The following FAM193A variants were observed in gnomAD, a reference collection of about 807,000 sequenced individuals.
FAM193A encodes family with sequence similarity 193 member A.
FAM193A carries 22 observed loss-of-function variants against 126.5 expected under a neutral mutation model. The observed-to-expected ratio is 0.17, with a 90% CI of 0.12 to 0.25. The LOEUF is 0.25. FAM193A is among the 10% of genes least tolerant of loss of function. The pLI, the probability that FAM193A is intolerant of heterozygous loss-of-function variation, is 1.00. For synonymous variants in FAM193A, 761 were observed against 646.8 expected, an observed-to-expected ratio of 1.18 and a Z score of -2.68; for missense variants, 1,675 against 1,672.8, an observed-to-expected ratio of 1.00 and a Z score of -0.02.
intron 1 of FAM193A, among the ~76,000 whole-genome samples, chr4:2,565,403 G>T (rs1738881818): frequency 6.6e-6 from 1 of 151,872 alleles, no homozygotes; most frequent in African/African-American, 2.4e-5. Flanking sequence ...GGGACTACAG[G>T]CGTCCACCAC....
chr4:2,648,819 G>T (rs971395221), intron 7 of FAM193A, among the ~76,000 whole-genome samples: 2 of 152,218 alleles, frequency 1.3e-5, no homozygotes, highest in Non-Finnish European at 2.9e-5. Flanking sequence ...CCTTCTCCAG[G>T]AAGTGGGCAT....
intron 1 of FAM193A, among the ~76,000 whole-genome samples, chr4:2,573,586 G>A (rs989623016): frequency 6.6e-6 from 1 of 151,810 alleles, no homozygotes; most frequent in African/African-American, 2.4e-5. Context: ...GTCCTTCTCT[G>A]CTTTCACCAC....
At chr4:2,696,117 T>G (rs1717005692) in intron 17 of FAM193A, among the ~76,000 whole-genome samples, 1 of 152,228 alleles carries the variant, frequency 6.6e-6, no homozygotes, top group Admixed American at 6.5e-5. Flanking sequence ...CTTATGTGCA[T>G]AGCTATACAT....
At chr4:2,671,430 C>T (rs1010318301) in intron 12 of FAM193A, among the ~76,000 whole-genome samples, 6 of 152,146 alleles carry the variant, frequency 3.9e-5, no homozygotes, top group African/African-American at 7.2e-5. Flanking sequence ...GGTTGGTTTG[C>T]GCTGACATCC....
intron 1 of FAM193A, among the ~76,000 whole-genome samples, chr4:2,591,230 A>G (rs988469942): frequency 6.6e-6 from 1 of 152,116 alleles, no homozygotes; most frequent in Non-Finnish European, 1.5e-5. Flanking sequence ...GTATGAAGGC[A>G]GGAAGAGATA....
chr4:2,561,254 C>T (rs1389710198), intron 1 of FAM193A, among the ~76,000 whole-genome samples: 4 of 152,038 alleles, frequency 2.6e-5, no homozygotes, highest in Non-Finnish European at 5.9e-5. Context: ...AGTCTCAGTT[C>T]ACTGCAGCCT....
intron 6 of FAM193A, among the ~76,000 whole-genome samples, chr4:2,644,323 A>G (rs897322894): frequency 1.4e-4 from 21 of 152,204 alleles, no homozygotes; most frequent in Admixed American, 2.6e-4. Flanking sequence ...GGAACACATG[A>G]CAGGGTATAA....
upstream of FAM193A, among the ~76,000 whole-genome samples, chr4:2,535,897 G>A (rs975955803): frequency 6.6e-6 from 1 of 152,134 alleles, no homozygotes; most frequent in East Asian, 1.9e-4. Flanking sequence ...CCCCAGGCCC[G>A]GTCCAAGATT....
At chr4:2,611,383 C>T (rs1038685942) in intron 2 of FAM193A, among the ~76,000 whole-genome samples, 1 of 152,132 alleles carries the variant, frequency 6.6e-6, no homozygotes, top group Admixed American at 6.5e-5. Flanking sequence ...GTTCTCTTGT[C>T]TCAGCCTCCC....
At chr4:2,606,043 C>CT (rs1193120778) in intron 2 of FAM193A, among the ~76,000 whole-genome samples, 1 of 85,538 alleles carries the variant, frequency 1.2e-5, no homozygotes, top group Non-Finnish European at 2.3e-5. Flanking sequence ...TTTTGCAAAC[C>CT]TCTTTTTTTT....
chr4:2,690,184 C>G (rs1716204985), intron 14 of FAM193A, among the ~76,000 whole-genome samples: 1 of 152,214 alleles, frequency 6.6e-6, no homozygotes, highest in Non-Finnish European at 1.5e-5. Context: ...CCCCAGCTGC[C>G]TCAGCCACTG....
chr4:2,690,870 G>A lies in FAM193A; in HGVS notation c.2703G>A (p.Met901Ile). The change falls in exon 15 of 21, where the codon ATG becomes ATA. Residue 901 changes from methionine to isoleucine, a missense_variant. This residue lies in a region of FAM193A where 1,186 missense variants were observed against 1,109.2 expected (regional missense o/e 1.07). Coordinates refer to ENST00000637812, the MANE Select transcript of FAM193A (RefSeq NM_001366318.2). ...DAFMEANKVV[M>I]ATSSATSSVS... is the part of the protein sequence containing the mutation. The stretch of plus-strand genomic sequence containing the variant: ...TCATGGAAGCAAATAAAGTTGTCAT[G>A]GCCACGTCATCAGCCACGTCCTCTG... 6.2e-7 allele frequency: 1 copy of A among 1,614,148 alleles called. No individual in the cohort carries two copies. Among genetic ancestry groups the A allele is most frequent in the Non-Finnish European group, 8.5e-7 (1 of 1,180,020 alleles).
At chr4:2,601,491 T>C (rs2108919845) in intron 2 of FAM193A, among the ~76,000 whole-genome samples, 1 of 152,188 alleles carries the variant, frequency 6.6e-6, no homozygotes, top group South Asian at 2.1e-4. Context: ...CACCTCGGTC[T>C]CCCAAAGTGC....
chr4:2,590,476 C>CA lies in FAM193A; in HGVS notation c.256-5599dup, dbSNP rs754091956. 4.2e-4 allele frequency among the ~76,000 whole-genome samples: 17 copies of CA among 40,492 alleles called. 1 individual carries two copies. The East Asian group carries it at 6.3e-3, about 15-fold the overall frequency. 26.6% of individuals were successfully genotyped at this position (40,492 alleles called of 152,430 possible). ...GAGACTCCATCTCAAAAAAAAAAAA[C>CA]AAAAAAAAACAAAAAAAAACAAAAA... On this transcript the variant is annotated intron_variant, in intron 1 of 20. Coordinates refer to ENST00000637812, the MANE Select transcript of FAM193A (RefSeq NM_001366318.2).
chr4:2,696,368 A>G lies in FAM193A; in HGVS notation c.3282A>G (p.Pro1094=), dbSNP rs757864243. 160 of 1,610,562 alleles carry G rather than the reference A, an allele frequency of 9.9e-5. No homozygotes were observed. The highest frequency in any genetic ancestry group is 1.2e-4 in the Non-Finnish European group (147 of 1,177,344). Residue 1094 remains proline, a synonymous_variant, in exon 18 of 21, where the codon CCA becomes CCG. Transcript: ENST00000637812. ...YCEFFGHGGP[P]AAPTSRNYAE... is the part of the protein sequence containing the mutation. The stretch of plus-strand genomic sequence containing the variant: ...AACTTTGTTGTTTTTCTCAGCCTCC[A>G]GCTGCACCAACAAGTAGAAATTATG...
At chr4:2,577,215 A>C (rs1462520370) in intron 1 of FAM193A, among the ~76,000 whole-genome samples, 1 of 151,998 alleles carries the variant, frequency 6.6e-6, no homozygotes, top group African/African-American at 2.4e-5. Context: ...ATCATACCTT[A>C]TAAGATATTT....
At chr4:2,630,854 G>C (rs1743492368) in intron 4 of FAM193A, 81 bp from the exon 5 acceptor site, 16 of 765,620 alleles carry the variant, frequency 2.1e-5, no homozygotes, top group Non-Finnish European at 2.4e-5. Context: ...CTGTGGAAGG[G>C]CTTCAGAAAA....
chr4:2,593,996 C>T (rs563750991), intron 1 of FAM193A, among the ~76,000 whole-genome samples: 5 of 151,784 alleles, frequency 3.3e-5, no homozygotes, highest in South Asian at 4.2e-4. Context: ...GGAGGTAGGA[C>T]GCAGTTGTCT....
chr4:2,604,047 T>G lies in FAM193A; in HGVS notation c.501+7718T>G, dbSNP rs574819167. On this transcript the variant is annotated intron_variant, in intron 2 of 20. Transcript: ENST00000637812. ...TAGTAGAGACGGGGTTTTACCATGT[T>G]GGCCAGGCTGGTCTCAAACTCCTGA... Among the ~76,000 whole-genome samples the G allele has an allele frequency of 4.6e-5, 7 of 152,192 alleles. No individual in the cohort carries two copies. The South Asian group carries it at 1.5e-3, about 32-fold the overall frequency.
Sources: gnomAD v4.1 joint callset for allele counts (sites outside exome capture counted in the v4.1 genomes callset) on GRCh38, gnomAD v4.1.1 for gene constraint, gnomAD v4.1.1 regional missense constraint, MANE v1.5 for transcripts, NCBI Gene and HGNC (gene_info 2026-07-23, HGNC 2026-07-21) for gene names.